CSMD1: variants seen among roughly 807,000 people sequenced by gnomAD.
CSMD1 encodes the protein CUB and sushi domain-containing protein 1.
Under a neutral mutation model 417.5 loss-of-function variants are expected in CSMD1, and 213 were observed. That is an observed-to-expected ratio of 0.51 (90% confidence interval 0.46 to 0.57). The LOEUF (loss-of-function observed/expected upper bound fraction) is 0.57. CSMD1 is among the 20% of genes least tolerant of loss of function. The pLI is 0.00. For synonymous variants in CSMD1, 2,862 were observed against 1,736.8 expected (o/e 1.65, Z -16.11); for missense variants, 6,923 against 4,529.7 (o/e 1.53, Z -15.17).
At chr8:4,714,009 G>C (rs1263637739) in intron 1 of CSMD1, among the ~76,000 whole-genome samples, 1 of 152,052 alleles carries the variant, frequency 6.6e-6, no homozygotes, top group African/African-American at 2.4e-5. Context: ...GCCAAGCATG[G>C]TGGCAGGTGC....
chr8:3,689,555 G>A (rs1021161785), intron 7 of CSMD1, among the ~76,000 whole-genome samples: 1 of 152,112 alleles, frequency 6.6e-6, no homozygotes, highest in African/African-American at 2.4e-5. Context: ...TCCATTGACT[G>A]TGTCTTCAAC....
At chr8:4,040,350 A>T (rs1374597067) in intron 3 of CSMD1, among the ~76,000 whole-genome samples, 1 of 152,224 alleles carries the variant, frequency 6.6e-6, no homozygotes, top group Non-Finnish European at 1.5e-5. Context: ...TACTATTATT[A>T]TGCCCATTTT....
At chr8:4,189,211 G>A (rs1215988715) in intron 3 of CSMD1, among the ~76,000 whole-genome samples, 1 of 152,216 alleles carries the variant, frequency 6.6e-6, no homozygotes, top group Non-Finnish European at 1.5e-5. Flanking sequence ...ACTCATGTGT[G>A]TTTATGCCCC....
chr8:3,153,031 CA>C (rs1321565652), intron 39 of CSMD1, among the ~76,000 whole-genome samples: 1 of 152,206 alleles, frequency 6.6e-6, no homozygotes, highest in Non-Finnish European at 1.5e-5. Context: ...GCTGCATTCC[CA>C]GATGGTGAAG....
chr8:4,350,217 G>C (rs78830026), intron 3 of CSMD1, among the ~76,000 whole-genome samples: 2 of 152,010 alleles, frequency 1.3e-5, no homozygotes. Flanking sequence ...TCTGTCAAGC[G>C]TCCAGGCACC....
intron 5 of CSMD1, among the ~76,000 whole-genome samples, chr8:3,898,128 T>C (rs1482281117): frequency 6.6e-6 from 1 of 152,156 alleles, no homozygotes; most frequent in Non-Finnish European, 1.5e-5. Context: ...TAGCAGAGTT[T>C]CTACCAGCTG....
intron 5 of CSMD1, among the ~76,000 whole-genome samples, chr8:3,847,029 G>C (rs780575697): frequency 6.6e-6 from 1 of 152,098 alleles, no homozygotes; most frequent in Admixed American, 6.6e-5. Context: ...ATCAGATGAT[G>C]CCTCTTAGCA....
At chr8:4,140,016 C>A (rs1255823345) in intron 3 of CSMD1, among the ~76,000 whole-genome samples, 2 of 150,738 alleles carry the variant, frequency 1.3e-5, no homozygotes, top group Admixed American at 1.3e-4. Flanking sequence ...TTCTCCCTGA[C>A]CTCAATTTGC....
intron 5 of CSMD1, among the ~76,000 whole-genome samples, chr8:3,761,909 G>A (rs769245956): frequency 5.9e-5 from 9 of 151,964 alleles, no homozygotes; most frequent in Non-Finnish European, 1.2e-4. Flanking sequence ...TTCTCCCTCT[G>A]GCTCTCTTTT....
intron 3 of CSMD1, among the ~76,000 whole-genome samples, chr8:4,064,540 G>C (rs140108383): frequency 1.3e-3 from 203 of 152,236 alleles, no homozygotes; most frequent in African/African-American, 4.4e-3. Flanking sequence ...ACCCATGAGG[G>C]GTGCATCGAT....
At chr8:3,528,015 A>C (rs1355236015) in intron 10 of CSMD1, among the ~76,000 whole-genome samples, 1 of 152,144 alleles carries the variant, frequency 6.6e-6, no homozygotes, top group Admixed American at 6.5e-5. Context: ...CTGACAACCA[A>C]AACTGTCTCC....
intron 3 of CSMD1, among the ~76,000 whole-genome samples, chr8:4,053,895 AAAT>A (rs1322246076): frequency 2.0e-5 from 3 of 152,232 alleles, no homozygotes; most frequent in Non-Finnish European, 2.9e-5. Flanking sequence ...TAATTATCAT[AAAT>A]AATAATTAAG....
At chr8:3,144,822 G>A (rs952020609) in intron 40 of CSMD1, among the ~76,000 whole-genome samples, 2 of 137,266 alleles carry the variant, frequency 1.5e-5, no homozygotes, top group Non-Finnish European at 3.2e-5. Flanking sequence ...GGAGGGAGAA[G>A]GGGTAAGGGA....
chr8:4,161,472 G>C (rs1193499456), intron 3 of CSMD1, among the ~76,000 whole-genome samples: 3 of 152,172 alleles, frequency 2.0e-5, no homozygotes, highest in Non-Finnish European at 4.4e-5. Flanking sequence ...GCTTACTCAA[G>C]GTCATGCTGC....
At chr8:4,813,194 T>C (rs1478251483) in intron 1 of CSMD1, among the ~76,000 whole-genome samples, 1 of 152,148 alleles carries the variant, frequency 6.6e-6, no homozygotes, top group Non-Finnish European at 1.5e-5. Flanking sequence ...ATACTGCATG[T>C]TTTGGGCTTA....
rs973363520 is a variant in CSMD1 at position 3,734,511 on chromosome 8, G to C, written c.931+19419C>G. On this transcript the variant is annotated intron_variant, in intron 6 of 69. Transcript: ENST00000635120. ...GGATCCCTTGACGTCAGGAGTTCAA[G>C]ACCAACCTAACCAACTTGGTGAAAC... is the stretch of plus-strand genomic sequence containing the variant. Among the ~76,000 whole-genome samples the C allele has an allele frequency of 2.6e-5, 4 of 152,152 alleles. No homozygotes were observed. The East Asian group carries it at 5.8e-4, about 22-fold the overall frequency.
chr8:3,939,260 T>A (rs1032186367), intron 5 of CSMD1, among the ~76,000 whole-genome samples: 3 of 151,972 alleles, frequency 2.0e-5, no homozygotes, highest in Admixed American at 6.6e-5. Context: ...TGAAAAAAAA[T>A]GCTCAACATC....
At chr8:4,052,229 C>T (rs1287714607) in intron 3 of CSMD1, among the ~76,000 whole-genome samples, 1 of 152,114 alleles carries the variant, frequency 6.6e-6, no homozygotes, top group East Asian at 1.9e-4. Context: ...CCACCCAGTA[C>T]TGCAGGATTT....
chr8:4,388,043 G>T (rs764186705), intron 3 of CSMD1, among the ~76,000 whole-genome samples: 1 of 152,052 alleles, frequency 6.6e-6, no homozygotes, highest in African/African-American at 2.4e-5. Context: ...CCACATTCCT[G>T]ATGAATGAAT....
Sources: gnomAD v4.1 joint callset for allele counts (sites outside exome capture counted in the v4.1 genomes callset) on GRCh38, gnomAD v4.1.1 for gene constraint, MANE v1.5 for transcripts, NCBI Gene and HGNC (gene_info 2026-07-23, HGNC 2026-07-21) for gene names.